Variants in ITPR2 observed in about 807,000 individuals in gnomAD.
The protein encoded by ITPR2 is inositol 1,4,5-trisphosphate-gated calcium channel ITPR2.
In ITPR2, 207 loss-of-function variants were observed where a neutral mutation model predicts 317.1. The observed-to-expected ratio is 0.65, with a 90% CI of 0.58 to 0.73. The LOEUF is 0.73. Among genes scored for constraint, ITPR2 ranks in the 30% least tolerant of loss-of-function variants. The pLI is 0.00. For missense variants in ITPR2, 2,613 were observed against 3,284.0 expected, an observed-to-expected ratio of 0.80 and a Z score of 4.99; for synonymous variants, 1,156 against 1,149.1, an observed-to-expected ratio of 1.01 and a Z score of -0.12.
chr12:26,513,886 C>A (rs1943424385), intron 37 of ITPR2, among the ~76,000 whole-genome samples: 2 of 152,140 alleles, frequency 1.3e-5, no homozygotes, highest in African/African-American at 2.4e-5. Context: ...TGTATGTCAT[C>A]AACTATTTCA....
intron 2 of ITPR2, among the ~76,000 whole-genome samples, chr12:26,784,540 T>C (rs1186226785): frequency 4.0e-5 from 6 of 151,402 alleles, no homozygotes; most frequent in Admixed American, 1.3e-4. Context: ...GACGGGGTTT[T>C]GCTGTGTTGG....
chr12:26,505,083 C>G (rs1386957210), intron 37 of ITPR2, among the ~76,000 whole-genome samples: 1 of 152,084 alleles, frequency 6.6e-6, no homozygotes, highest in East Asian at 1.9e-4. Flanking sequence ...CTTCATTTGG[C>G]TGAGGTCATG....
chr12:26,688,012 T>C (rs575666746), intron 10 of ITPR2, among the ~76,000 whole-genome samples: 54 of 152,076 alleles, frequency 3.6e-4, no homozygotes, highest in Non-Finnish European at 7.4e-4. Context: ...AGGAAGAAAA[T>C]GCAGAAACAG....
chr12:26,719,778 G>C (rs1045467895), intron 5 of ITPR2, among the ~76,000 whole-genome samples: 1 of 152,002 alleles, frequency 6.6e-6, no homozygotes, highest in Admixed American at 6.6e-5. Flanking sequence ...AACAGTCCCT[G>C]GTGGGCACAC....
chr12:26,614,672 A>G (rs1200706075), intron 26 of ITPR2, among the ~76,000 whole-genome samples: 1 of 152,248 alleles, frequency 6.6e-6, no homozygotes, highest in Admixed American at 6.5e-5. Flanking sequence ...GAACTTAAAC[A>G]TATACTGCTA....
At chr12:26,540,116 C>T (rs1470172699) in intron 37 of ITPR2, among the ~76,000 whole-genome samples, 1 of 152,196 alleles carries the variant, frequency 6.6e-6, no homozygotes, top group Non-Finnish European at 1.5e-5. Flanking sequence ...CTCCTAGATT[C>T]TCAGCACTGA....
intron 32 of ITPR2, among the ~76,000 whole-genome samples, chr12:26,589,766 G>A (rs549775663): frequency 1.5e-5 from 2 of 130,358 alleles, no homozygotes; most frequent in East Asian, 4.1e-4. Context: ...CAGCCTGAGT[G>A]AAAGAACGAA....
At position 26,621,347 on chromosome 12, in the gene ITPR2, T is replaced by C. The variant is rs754128923; in HGVS notation, c.3289-51A>G. On this transcript the variant is annotated intron_variant, in intron 25 of 56. Transcript: ENST00000381340. ...GTTGAAGTTCACTATTTCTAGAATA[T>C]TTATGAATATTTTAGATGTATATTG... The C allele has an allele frequency of 7.9e-6, 11 of 1,399,002 alleles. No homozygotes were observed. In the Admixed American group the frequency reaches 1.9e-4, roughly 24 times the overall value. The allele number at this position is 1,399,002 out of a possible 1,614,324, so 86.7% of individuals were successfully genotyped here.
In ITPR2 at chr12:26,578,827, G is replaced by C. The variant is rs1390602315; in HGVS notation, c.4516C>G (p.Gln1506Glu). The change falls in exon 34 of 57, where the codon CAG (glutamine) becomes GAG (glutamate). Residue 1506 changes from glutamine to glutamate, a missense_variant. Physicochemically the swap from Gln to Glu is conservative, Grantham distance 29 (BLOSUM62 2). Transcript: ENST00000381340. The stretch of plus-strand genomic sequence containing the variant: ...TGCAGTAGCTGAATAAAAACTGGCT[G>C]ATGTGTCTAAAACCAGAAAGAAGGT... ...SDNSTSLQTH[Q>E]PVFIQLLQSA... 1 of 1,608,238 alleles carries C rather than the reference G, an allele frequency of 6.2e-7. No homozygotes were observed. Among genetic ancestry groups the C allele is most frequent in the Non-Finnish European group, 8.5e-7 (1 of 1,175,914 alleles).
intron 22 of ITPR2, among the ~76,000 whole-genome samples, chr12:26,630,038 A>C (rs1409087931): frequency 1.3e-5 from 2 of 152,212 alleles, no homozygotes; most frequent in African/African-American, 4.8e-5. Flanking sequence ...AGGGATTTGC[A>C]GGGCAGGAGA....
At chr12:26,472,323 T>A (rs1326096204) in intron 45 of ITPR2, among the ~76,000 whole-genome samples, 1 of 152,208 alleles carries the variant, frequency 6.6e-6, no homozygotes, top group African/African-American at 2.4e-5. Context: ...AGTGTAATCA[T>A]GAGGCTTAAA....
chr12:26,376,584 C>T (rs559477761), intron 55 of ITPR2, among the ~76,000 whole-genome samples: 31 of 152,148 alleles, frequency 2.0e-4, no homozygotes, highest in Admixed American at 9.2e-4. Context: ...GAATCCATTT[C>T]GTATACTGCT....
chr12:26,394,382 T>C (rs538712580), intron 54 of ITPR2, among the ~76,000 whole-genome samples: 54 of 152,292 alleles, frequency 3.5e-4, no homozygotes, highest in African/African-American at 1.2e-3. Flanking sequence ...TAGGGTCCGA[T>C]GTGTGAGATC....
chr12:26,439,980 G>A (rs1442461232), intron 46 of ITPR2, among the ~76,000 whole-genome samples: 1 of 152,058 alleles, frequency 6.6e-6, no homozygotes, highest in Non-Finnish European at 1.5e-5. Context: ...TATGTAACAA[G>A]GGCTTATGTA....
At chr12:26,523,305 C>CA (rs779625968) in intron 37 of ITPR2, among the ~76,000 whole-genome samples, 1 of 152,258 alleles carries the variant, frequency 6.6e-6, no homozygotes, top group East Asian at 1.9e-4. Flanking sequence ...TATAATCTCA[C>CA]AAAAAATTAA....
chr12:26,674,836 C>A (rs1284801562), intron 13 of ITPR2, among the ~76,000 whole-genome samples: 24 of 151,726 alleles, frequency 1.6e-4, no homozygotes, highest in South Asian at 1.0e-3. Flanking sequence ...CAATGAACTC[C>A]AACAAATTTA....
At chr12:26,595,689 G>A in intron 31 of ITPR2, 99 bp from the exon 32 acceptor site, 1 of 961,452 alleles carries the variant, frequency 1.0e-6, no homozygotes. Flanking sequence ...TAGTTTTTAT[G>A]GTAGATCATA....
intron 37 of ITPR2, among the ~76,000 whole-genome samples, chr12:26,503,190 A>AACACACACACACACACACACACACAC (rs57271500): frequency 1.6e-4 from 22 of 139,210 alleles, no homozygotes; most frequent in East Asian, 2.1e-4. Context: ...GCCCCCCACC[A>AACACACACACACACACACACACACAC]ACACACACAC....
intron 1 of ITPR2, among the ~76,000 whole-genome samples, chr12:26,792,553 A>G (rs1950360048): frequency 6.6e-6 from 1 of 152,138 alleles, no homozygotes; most frequent in Non-Finnish European, 1.5e-5. Flanking sequence ...AGTACTTACT[A>G]CATTTTCTTC....
Sources: gnomAD v4.1 joint callset for allele counts (sites outside exome capture counted in the v4.1 genomes callset) on GRCh38, gnomAD v4.1.1 for gene constraint, MANE v1.5 for transcripts, NCBI Gene and HGNC (gene_info 2026-07-23, HGNC 2026-07-21) for gene names.